The following PMF1 variants were observed in gnomAD, a reference collection of about 807,000 sequenced individuals.
PMF1 encodes the protein polyamine-modulated factor 1.
A neutral mutation model predicts 26.7 loss-of-function variants in PMF1; 21 were observed. That is an observed-to-expected ratio of 0.79 (90% CI 0.56 to 1.13). The LOEUF is 1.13. Ranked by LOEUF, PMF1 falls within the 50% of genes most tolerant of loss-of-function variation. PMF1 has a pLI of 0.00. For synonymous variants in PMF1, 105 were observed against 101.0 expected (o/e 1.04, Z -0.24); for missense variants, 266 against 254.9 (o/e 1.04, Z -0.30).
chr1:156,226,248 TC>T (rs1165620201), intron 1 of PMF1, among the ~76,000 whole-genome samples: 2 of 152,246 alleles, frequency 1.3e-5, no homozygotes, highest in Non-Finnish European at 2.9e-5. Context: ...TAAGTGATCC[TC>T]CTGCGTTGGC....
At chr1:156,224,187 C>A (rs776199695) in intron 1 of PMF1, among the ~76,000 whole-genome samples, 1 of 152,132 alleles carries the variant, frequency 6.6e-6, no homozygotes, top group Non-Finnish European at 1.5e-5. Flanking sequence ...TTAATTGACA[C>A]ATTGTAATTG....
In PMF1 at chr1:156,236,378, G is replaced by A; in HGVS notation, c.459G>A (p.Gln153=). 3 of 1,614,266 alleles carry A rather than the reference G, an allele frequency of 1.9e-6. No individual in the cohort carries two copies. The highest frequency in any genetic ancestry group is 2.5e-6 in the Non-Finnish European group (3 of 1,180,042). The change falls in exon 4 of 5, where the codon CAG becomes CAA. Residue 153 remains glutamine (Q), a synonymous_variant. Transcript: ENST00000368277. The part of the protein sequence containing the change: ...QQRDTLRRHV[Q]KQEAENQQLA... ...GGGACACCCTGCGGCGCCATGTGCA[G>A]AAACAGGAGGCCGAGAACCAGCAGC...
intron 1 of PMF1, among the ~76,000 whole-genome samples, chr1:156,227,479 TA>T (rs1474001891): frequency 6.7e-6 from 1 of 148,946 alleles, no homozygotes; most frequent in Non-Finnish European, 1.5e-5. Context: ...TTTAATTTTT[TA>T]AAAAATTTAT....
chr1:156,228,662 C>T (rs1572495244), intron 1 of PMF1, among the ~76,000 whole-genome samples: 1 of 152,100 alleles, frequency 6.6e-6, no homozygotes, highest in Admixed American at 6.6e-5. Context: ...CCAGCTCAGA[C>T]CCTCCGCCTG....
intron 2 of PMF1, among the ~76,000 whole-genome samples, chr1:156,233,064 C>T (rs1356837737): frequency 2.6e-5 from 4 of 151,554 alleles, no homozygotes; most frequent in Non-Finnish European, 4.4e-5. Flanking sequence ...GGACTGTAGA[C>T]GTGCACCCCC....
intron 1 of PMF1, among the ~76,000 whole-genome samples, chr1:156,231,505 C>A (rs1047691802): frequency 5.3e-5 from 8 of 151,918 alleles, no homozygotes; most frequent in Non-Finnish European, 1.0e-4. Flanking sequence ...GAGTTCAAGA[C>A]CAGCCTGGCC....
intron 1 of PMF1, among the ~76,000 whole-genome samples, chr1:156,217,235 AAAAAAAAAAAG>A (rs1476653544): frequency 9.1e-6 from 1 of 109,398 alleles, no homozygotes; most frequent in East Asian, 2.1e-4. Flanking sequence ...AAGTATAATA[AAAAAAAAAAAG>A]AAAAAAAAAA....
intron 1 of PMF1, among the ~76,000 whole-genome samples, chr1:156,224,479 T>C (rs560548587): frequency 1.2e-4 from 19 of 152,324 alleles, no homozygotes; most frequent in South Asian, 6.2e-4. Flanking sequence ...TTATTTTCAT[T>C]AAGAAACATT....
At position 156,229,053 on chromosome 1, in the gene PMF1, CAT is replaced by C. The variant is rs1558194082; in HGVS notation, c.162-3266_162-3265del. 5.3e-5 allele frequency among the ~76,000 whole-genome samples: 8 copies of C among 152,156 alleles called. No homozygotes were observed. The East Asian group carries it at 1.5e-3, about 29-fold the overall frequency. On this transcript the variant is annotated intron_variant, in intron 1 of 4. Coordinates refer to ENST00000368277, the MANE Select transcript of PMF1 (RefSeq NM_007221.4). The stretch of plus-strand genomic sequence containing the variant: ...CCTCCTGAGTAGCTGGGACTACAGG[CAT>C]GTGCCACCACGCCCAGCTAATTTTT...
At chr1:156,229,976 C>G (rs1021822821) in intron 1 of PMF1, among the ~76,000 whole-genome samples, 6 of 152,224 alleles carry the variant, frequency 3.9e-5, no homozygotes, top group Admixed American at 3.3e-4. Context: ...TGGCAGTTCT[C>G]TCTTGCAGGC....
At chr1:156,238,323 C>T (rs539855689) in intron 4 of PMF1, among the ~76,000 whole-genome samples, 20 of 152,342 alleles carry the variant, frequency 1.3e-4, no homozygotes, top group African/African-American at 4.6e-4. Context: ...ACATCTAACA[C>T]ATATCCTCCA....
At position 156,225,643 on chromosome 1, in the gene PMF1, C is replaced by T. The variant is rs1212442991; in HGVS notation, c.162-6677C>T. 3.2e-6 allele frequency: 5 copies of T among 1,560,922 alleles called. No homozygotes were observed. Among genetic ancestry groups the T allele is most frequent in the East Asian group, 2.4e-5 (1 of 42,084 alleles). ...GTGAAACAGGCCTTCAGTTGGGCGG[C>T]GTGCAGGTTACCACAGGGGAGGAAG... On this transcript the variant is annotated intron_variant, in intron 1 of 4. Transcript: ENST00000368277.
chr1:156,239,360 C>G (rs1659221802), intron 4 of PMF1, among the ~76,000 whole-genome samples, 188 bp from the exon 5 acceptor site: 1 of 152,184 alleles, frequency 6.6e-6, no homozygotes, highest in South Asian at 2.1e-4. Flanking sequence ...GCTATAAATA[C>G]TTGCCGAATG....
chr1:156,238,685 G>A (rs1244649946), intron 4 of PMF1, among the ~76,000 whole-genome samples: 1 of 152,178 alleles, frequency 6.6e-6, no homozygotes, highest in Non-Finnish European at 1.5e-5. Flanking sequence ...GATCTCCCTG[G>A]TCTTCTCTTC....
At chr1:156,233,823 C>A in intron 3 of PMF1, 95 bp downstream of exon 3, 2 of 1,236,504 alleles carry the variant, frequency 1.6e-6, no homozygotes, top group Non-Finnish European at 2.2e-6. Flanking sequence ...ACTATGTTGG[C>A]CAGGCTGGTC....
At chr1:156,234,850 A>C (rs1658915843) in intron 3 of PMF1, among the ~76,000 whole-genome samples, 1 of 152,020 alleles carries the variant, frequency 6.6e-6, no homozygotes, top group Non-Finnish European at 1.5e-5. Context: ...AGTGAACAAG[A>C]CAGACCAAAT....
Position 156,237,446 on chromosome 1 carries a change from C to CTTT in PMF1, c.564+980_564+982dup, listed in dbSNP as rs33952725. Among the ~76,000 whole-genome samples the CTTT allele has an allele frequency of 2.3e-3, 286 of 123,368 alleles. 6 individuals carry two copies. The highest frequency in any genetic ancestry group is 0.015 in the East Asian group (65 of 4,246). 80.9% of individuals were successfully genotyped at this position (123,368 alleles called of 152,430 possible). A position where few individuals can be genotyped will look rare whatever the true frequency, so the allele number is the denominator to read the frequency against. On this transcript the variant is annotated intron_variant, in intron 4 of 4. Transcript: ENST00000368277. The stretch of plus-strand genomic sequence containing the variant: ...TCCTCACCAGCATGTTATTTTTTGT[C>CTTT]TTTTTTTTTTTTTTTTTTTAGACAG...
At chr1:156,236,845 GAT>G in intron 4 of PMF1, 1 of 268,698 alleles carries the variant, frequency 3.7e-6, no homozygotes, top group East Asian at 6.8e-5. Context: ...GCCCAACATA[GAT>G]ATATATATTC....
intron 2 of PMF1, 65 bp downstream of exon 2, chr1:156,232,490 T>C: frequency 6.6e-7 from 1 of 1,508,638 alleles, no homozygotes. Context: ...GTCAGTCCCC[T>C]GAGGGCAGTG....
Sources: gnomAD v4.1 joint callset for allele counts (sites outside exome capture counted in the v4.1 genomes callset) on GRCh38, gnomAD v4.1.1 for gene constraint, MANE v1.5 for transcripts, NCBI Gene and HGNC (gene_info 2026-07-23, HGNC 2026-07-21) for gene names.